The following PRSS23 variants were observed in gnomAD, a reference collection of about 807,000 sequenced individuals.
The protein encoded by PRSS23 is serine protease 23.
In PRSS23, 25 loss-of-function variants were observed where a neutral mutation model predicts 34.7. The ratio of observed to expected loss-of-function variants is 0.72; its 90% CI spans 0.53 to 1.01. PRSS23 has a LOEUF of 1.01. Among genes scored for constraint, PRSS23 ranks in the 50% least tolerant of loss-of-function variants. PRSS23 has a pLI of 0.00. For missense variants in PRSS23, 445 were observed against 475.6 expected (o/e 0.94, Z 0.60); for synonymous variants, 176 against 186.6 (o/e 0.94, Z 0.46).
Position 86,951,366 on chromosome 11 carries a change from G to A in PRSS23, c.*81G>A, listed in dbSNP as rs1378017266. Reference sequence around the variant, plus strand: ...GAATCATCTGCAGAATACCGAAAAAGTGCCCAGTTGGAGATTTCATAAAAA... The same window carrying A: ...GAATCATCTGCAGAATACCGAAAAAATGCCCAGTTGGAGATTTCATAAAAA... On this transcript the variant is annotated 3_prime_UTR_variant, in exon 3 of 3. Coordinates refer to the PRSS23 transcript ENST00000533902. 2.5e-6 allele frequency: 4 copies of A among 1,613,984 alleles called. No individual in the cohort carries two copies. The Admixed American group carries it at 6.7e-5, about 27-fold the overall frequency.
At chr11:86,850,430 G>A (rs1312370782) in intron 2 of PRSS23, among the ~76,000 whole-genome samples, 1 of 152,014 alleles carries the variant, frequency 6.6e-6, no homozygotes, top group African/African-American at 2.4e-5. Context: ...GAGAGGAGGT[G>A]CCAGCTGGGC....
chr11:86,819,356 A>G (rs994351464), intron 1 of PRSS23, among the ~76,000 whole-genome samples: 6 of 152,202 alleles, frequency 3.9e-5, no homozygotes, highest in African/African-American at 9.7e-5. Context: ...ACTTTTTTCA[A>G]TAAGAAAAAA....
intron 2 of PRSS23, among the ~76,000 whole-genome samples, chr11:86,886,497 GCTT>G (rs1948803546): frequency 6.6e-6 from 1 of 152,272 alleles, no homozygotes; most frequent in African/African-American, 2.4e-5. Flanking sequence ...GCCCAAATCT[GCTT>G]CTTTTGCTCC....
At chr11:86,870,476 C>T (rs374415144) in intron 2 of PRSS23, among the ~76,000 whole-genome samples, 15 of 152,148 alleles carry the variant, frequency 9.9e-5, no homozygotes, top group African/African-American at 2.9e-4. Context: ...TGAGCTAGAA[C>T]AGGCATGGAG....
At chr11:86,800,187 C>T (rs1331297411), upstream of PRSS23, 1 of 152,430 alleles carries the variant, frequency 6.6e-6, no homozygotes, top group Non-Finnish European at 1.5e-5. Flanking sequence ...TAGTCTCGCT[C>T]AGGAGGCCGC....
intron 2 of PRSS23, among the ~76,000 whole-genome samples, chr11:86,917,117 C>T (rs1171865969): frequency 6.6e-6 from 1 of 152,154 alleles, no homozygotes. Flanking sequence ...GTCAGGAGTT[C>T]AAGACCAGCC....
chr11:86,939,392 T>A (rs1949186270), intron 2 of PRSS23, among the ~76,000 whole-genome samples: 2 of 42,506 alleles, frequency 4.7e-5, no homozygotes, highest in South Asian at 1.3e-3. Flanking sequence ...TATTTCTCAG[T>A]TAAAAAAAAA....
At chr11:86,841,352 AG>A (rs1229032550) in intron 2 of PRSS23, among the ~76,000 whole-genome samples, 11,596 of 121,894 alleles carry the variant, frequency 0.095, 664 homozygotes, top group East Asian at 0.17. Flanking sequence ...AAAAAAAAAA[AG>A]AAGAAGAAAA....
At chr11:86,796,013 G>A (rs1393225421), upstream of PRSS23, among the ~76,000 whole-genome samples, 1 of 152,150 alleles carries the variant, frequency 6.6e-6, no homozygotes, top group African/African-American at 2.4e-5. Context: ...GTATCATTCA[G>A]TCCCATCTTG....
Position 86,811,205 on chromosome 11 carries a change from C to T in PRSS23, c.*2410C>T, listed in dbSNP as rs1391780094. ...GGACAAGTTGAGGTTGTAAAATCTG[C>T]ATTTAAATAAACATCTTTGATCACA... On this transcript the variant is annotated 3_prime_UTR_variant, in exon 2 of 2. Coordinates refer to ENST00000280258, the MANE Select transcript of PRSS23 (RefSeq NM_007173.6). 2 of 167,010 alleles carry T rather than the reference C, an allele frequency of 1.2e-5. No homozygotes were observed. 10.3% of individuals were successfully genotyped at this position (167,010 alleles called of 1,614,324 possible).
intron 2 of PRSS23, among the ~76,000 whole-genome samples, chr11:86,918,399 TTGTC>T (rs1320383648): frequency 3.3e-5 from 5 of 152,340 alleles, no homozygotes; most frequent in Admixed American, 2.0e-4. Flanking sequence ...AATTGCATTA[TTGTC>T]TATGTACAGA....
chr11:86,931,645 T>C lies in PRSS23; in HGVS notation c.207-19571T>C, dbSNP rs551211480. ...GGCGATGGAAATATTGTATCTCTTT[T>C]TGTACATGGCAGTTACCCAGTGTAT... On this transcript the variant is annotated intron_variant, in intron 2 of 2. Transcript: ENST00000533902. Among the ~76,000 whole-genome samples, 40 of 152,334 alleles carry C rather than the reference T, an allele frequency of 2.6e-4. No individual in the cohort carries two copies. The South Asian group carries it at 8.3e-3, about 32-fold the overall frequency.
At chr11:86,939,624 T>A (rs1478834210) in intron 2 of PRSS23, among the ~76,000 whole-genome samples, 1 of 151,408 alleles carries the variant, frequency 6.6e-6, no homozygotes, top group Non-Finnish European at 1.5e-5. Flanking sequence ...ATAGAAATAA[T>A]CTCTGGGATT....
intron 2 of PRSS23, among the ~76,000 whole-genome samples, chr11:86,856,621 T>A (rs1308858731): frequency 2.6e-5 from 4 of 152,224 alleles, no homozygotes; most frequent in Non-Finnish European, 4.4e-5. Context: ...AGAAAAATTA[T>A]GTATAGTGAA....
chr11:86,865,629 CAGTT>C (rs749576698), intron 2 of PRSS23, among the ~76,000 whole-genome samples: 3 of 152,166 alleles, frequency 2.0e-5, no homozygotes, highest in Non-Finnish European at 4.4e-5. Context: ...GTTTGATCAT[CAGTT>C]AGCAGGTTTA....
chr11:86,902,653 C>A (rs1048529160), intron 2 of PRSS23, among the ~76,000 whole-genome samples: 3 of 152,166 alleles, frequency 2.0e-5, no homozygotes, highest in African/African-American at 7.2e-5. Flanking sequence ...CATGATGCTA[C>A]TACCTATGTT....
intron 2 of PRSS23, among the ~76,000 whole-genome samples, chr11:86,896,838 C>A (rs1230554160): frequency 6.6e-6 from 1 of 152,234 alleles, no homozygotes; most frequent in East Asian, 1.9e-4. Flanking sequence ...CATGCTAACA[C>A]TTTCCTGCCT....
chr11:86,828,053 A>G (rs1052903614), intron 2 of PRSS23, among the ~76,000 whole-genome samples: 72 of 152,194 alleles, frequency 4.7e-4, no homozygotes, highest in Admixed American at 2.5e-3. Context: ...TATCCTTGTT[A>G]ACTTTCTGTC....
At chr11:86,939,145 TG>T (rs1422496122) in intron 2 of PRSS23, 2 of 379,648 alleles carry the variant, frequency 5.3e-6, no homozygotes, top group African/African-American at 4.3e-5. Context: ...AACGTTTCCA[TG>T]TCACTACTTC....
Sources: allele counts gnomAD v4.1 joint callset (sites outside exome capture counted in the v4.1 genomes callset), GRCh38; gene constraint gnomAD v4.1.1; transcripts MANE v1.5; gene names NCBI Gene and HGNC (gene_info 2026-07-23, HGNC 2026-07-21).